The following CNTN1 variants were observed in gnomAD, a reference collection of about 807,000 sequenced individuals.
CNTN1 encodes the protein contactin 1, also known as contactin-1.
A neutral mutation model predicts 126.4 loss-of-function variants in CNTN1; 38 were observed. The ratio of observed to expected loss-of-function variants is 0.30; its 90% CI spans 0.23 to 0.39. The LOEUF (loss-of-function observed/expected upper bound fraction) is 0.39. Among genes scored for constraint, CNTN1 ranks in the 10% least tolerant of loss-of-function variants. The pLI is 1.00. For synonymous variants in CNTN1, 413 were observed against 422.6 expected, an observed-to-expected ratio of 0.98 and a Z score of 0.28; for missense variants, 1,009 against 1,248.4, an observed-to-expected ratio of 0.81 and a Z score of 2.89.
At chr12:41,056,407 C>T (rs996710904) in intron 23 of CNTN1, among the ~76,000 whole-genome samples, 5 of 152,112 alleles carry the variant, frequency 3.3e-5, no homozygotes, top group African/African-American at 9.7e-5. Flanking sequence ...TGCTCTTAAT[C>T]TGTATACTAT....
At chr12:41,052,201 C>T (rs1384349037) in intron 23 of CNTN1, among the ~76,000 whole-genome samples, 1 of 152,158 alleles carries the variant, frequency 6.6e-6, no homozygotes, top group Non-Finnish European at 1.5e-5. Context: ...TAAACTTTGT[C>T]TCTGGTCTTA....
chr12:40,739,515 A>C (rs1479826944), intron 1 of CNTN1, among the ~76,000 whole-genome samples: 3 of 152,112 alleles, frequency 2.0e-5, no homozygotes, highest in Non-Finnish European at 4.4e-5. Context: ...ATATCATATG[A>C]GACATACTTA....
chr12:40,750,487 G>C (rs1021934354), intron 1 of CNTN1, among the ~76,000 whole-genome samples: 1 of 151,810 alleles, frequency 6.6e-6, no homozygotes, highest in Non-Finnish European at 1.5e-5. Flanking sequence ...TTTTGATTGC[G>C]TTTTTTAAAA....
intron 23 of CNTN1, among the ~76,000 whole-genome samples, chr12:41,055,217 A>C (rs1949777109): frequency 6.6e-6 from 1 of 152,262 alleles, no homozygotes; most frequent in South Asian, 2.1e-4. Context: ...ATCAACTATA[A>C]CTTTACATTA....
intron 1 of CNTN1, among the ~76,000 whole-genome samples, chr12:40,730,513 A>G (rs1392076393): frequency 6.6e-6 from 1 of 152,136 alleles, no homozygotes; most frequent in Non-Finnish European, 1.5e-5. Flanking sequence ...AACACACCTC[A>G]CCTTTACATA....
intron 1 of CNTN1, among the ~76,000 whole-genome samples, chr12:40,767,413 A>G (rs565796124): frequency 8.3e-6 from 1 of 120,894 alleles, no homozygotes; most frequent in Non-Finnish European, 1.6e-5. Context: ...GGTTCACCCC[A>G]TTCTCCTGCC....
At chr12:40,773,349 C>T (rs890675859) in intron 1 of CNTN1, among the ~76,000 whole-genome samples, 5 of 151,470 alleles carry the variant, frequency 3.3e-5, no homozygotes, top group African/African-American at 1.2e-4. Flanking sequence ...TTTAATTTTA[C>T]ATTCATCCTG....
At chr12:40,796,280 T>C (rs1056985884) in intron 1 of CNTN1, among the ~76,000 whole-genome samples, 5 of 152,064 alleles carry the variant, frequency 3.3e-5, no homozygotes, top group African/African-American at 1.2e-4. Context: ...GCAATCATGG[T>C]ATTTCAAAAC....
At chr12:40,936,494 GA>G (rs1202232937) in intron 9 of CNTN1, among the ~76,000 whole-genome samples, 1 of 151,834 alleles carries the variant, frequency 6.6e-6, no homozygotes. Context: ...GTTATGAGCA[GA>G]AAAAAATCAG....
chr12:40,858,116 A>G (rs1232558235), intron 1 of CNTN1, among the ~76,000 whole-genome samples: 1 of 152,086 alleles, frequency 6.6e-6, no homozygotes, highest in African/African-American at 2.4e-5. Flanking sequence ...AGTGCCTTGT[A>G]GTTACAGGAC....
At chr12:40,916,990 C>A (rs1430948073) in intron 3 of CNTN1, among the ~76,000 whole-genome samples, 1 of 141,742 alleles carries the variant, frequency 7.1e-6, no homozygotes, top group Non-Finnish European at 1.5e-5. Context: ...AAGAATGAGG[C>A]AGCTCCCTTT....
Position 41,020,195 on chromosome 12 carries a change from C to T in CNTN1, c.2420-142C>T, listed in dbSNP as rs1372298627. 6 of 592,614 alleles carry T rather than the reference C, an allele frequency of 1.0e-5. No homozygotes were observed. In the African/African-American group the frequency reaches 1.1e-4, roughly 11 times the overall value. The allele number at this position is 592,614 out of a possible 1,614,324, so 36.7% of individuals were successfully genotyped here. A position where few individuals can be genotyped will look rare whatever the true frequency, so the allele number is the denominator to read the frequency against. On this transcript the variant is annotated intron_variant, in intron 19 of 23. Coordinates refer to ENST00000551295, the MANE Select transcript of CNTN1 (RefSeq NM_001843.4). ...AGGAAGAGGTAATGAAATAATTGCA[C>T]TTAGTTTGAAAATAGTAAAGCTATT...
intron 6 of CNTN1, among the ~76,000 whole-genome samples, chr12:40,928,503 G>A (rs373632693): frequency 9.9e-5 from 15 of 152,070 alleles, no homozygotes; most frequent in South Asian, 2.1e-4. Context: ...TATGTTAACC[G>A]TAATTCTGAG....
At position 40,976,610 on chromosome 12, in the gene CNTN1, AAAG is replaced by A. The variant is rs201975736; in HGVS notation, c.1805-4296_1805-4294del. ...TATGGTTGGGTTTTTTTCATTGACA[AAAG>A]AATCAGAAGAGTGGTCAGTTCTTAA... On this transcript the variant is annotated intron_variant, in intron 15 of 23. Coordinates refer to ENST00000551295, the MANE Select transcript of CNTN1 (RefSeq NM_001843.4). Among the ~76,000 whole-genome samples, 1,097 of 152,154 alleles carry A rather than the reference AAAG, an allele frequency of 7.2e-3. 9 individuals carry two copies. The highest frequency in any genetic ancestry group is 0.025 in the African/African-American group (1,022 of 41,534).
intron 1 of CNTN1, chr12:40,742,410 G>T (rs1937982432): frequency 6.6e-6 from 1 of 152,050 alleles, no homozygotes; most frequent in African/African-American, 2.4e-5. Flanking sequence ...TTTTTGCAGA[G>T]AATTCTATCC....
chr12:40,900,296 C>T (rs985237929), intron 1 of CNTN1, among the ~76,000 whole-genome samples: 3 of 152,070 alleles, frequency 2.0e-5, no homozygotes, highest in African/African-American at 7.2e-5. Flanking sequence ...TATATTTTTA[C>T]TGGGATAATT....
At chr12:40,809,368 C>A (rs1016981867) in intron 1 of CNTN1, among the ~76,000 whole-genome samples, 1 of 152,206 alleles carries the variant, frequency 6.6e-6, no homozygotes, top group African/African-American at 2.4e-5. Context: ...CTTGCTGGTA[C>A]ATTAATATCC....
At chr12:40,732,019 G>A (rs1415624600) in intron 1 of CNTN1, among the ~76,000 whole-genome samples, 1 of 151,904 alleles carries the variant, frequency 6.6e-6, no homozygotes, top group Non-Finnish European at 1.5e-5. Context: ...GGTGCAGAAG[G>A]AAATCTGAAA....
chr12:40,731,422 G>A (rs1288252119), intron 1 of CNTN1, among the ~76,000 whole-genome samples: 1 of 151,890 alleles, frequency 6.6e-6, no homozygotes, highest in Non-Finnish European at 1.5e-5. Flanking sequence ...AATGGATAAA[G>A]CAACCGTTAA....
Sources: gnomAD v4.1 joint callset for allele counts (sites outside exome capture counted in the v4.1 genomes callset) on GRCh38, gnomAD v4.1.1 for gene constraint, MANE v1.5 for transcripts, NCBI Gene and HGNC (gene_info 2026-07-23, HGNC 2026-07-21) for gene names.